The following SETBP1 variants were observed in gnomAD, a reference collection of about 807,000 sequenced individuals.
SETBP1 encodes SET-binding protein.
A neutral mutation model predicts 101.0 loss-of-function variants in SETBP1; 9 were observed. That is an observed-to-expected ratio of 0.09 (90% CI 0.05 to 0.16). SETBP1 has a LOEUF of 0.16. SETBP1 is among the 10% of genes least tolerant of loss of function. The probability of loss-of-function intolerance (pLI) is 1.00; values close to 1 mark genes in which losing one functional copy is unlikely to be tolerated. For synonymous variants in SETBP1, 818 were observed against 788.5 expected, an observed-to-expected ratio of 1.04 and a Z score of -0.63; for missense variants, 1,858 against 2,033.8, an observed-to-expected ratio of 0.91 and a Z score of 1.66.
At chr18:45,004,190 C>T (rs183944491) in intron 4 of SETBP1, among the ~76,000 whole-genome samples, 19 of 152,284 alleles carry the variant, frequency 1.2e-4, no homozygotes, top group African/African-American at 3.1e-4. Context: ...AACATAGCCC[C>T]GGCAAAATAT....
In SETBP1 at chr18:44,975,866, G is replaced by T. The variant is rs141230445; in HGVS notation, c.4000+22526G>T. ...AATTTAATCCCCTAAAATTAAAAAT[G>T]CCAAAATCAAAGCTCAGAGGGTTAA... On this transcript the variant is annotated intron_variant, in intron 4 of 5. Transcript: ENST00000649279. 6.7e-3 allele frequency among the ~76,000 whole-genome samples: 1,018 copies of T among 152,250 alleles called. 16 individuals are homozygous for T. The highest frequency in any genetic ancestry group is 0.024 in the African/African-American group (976 of 41,520).
At chr18:44,819,405 C>G (rs948879958) in intron 2 of SETBP1, among the ~76,000 whole-genome samples, 1 of 152,222 alleles carries the variant, frequency 6.6e-6, no homozygotes, top group African/African-American at 2.4e-5. Context: ...TTTTCTTTCT[C>G]TGGTAAGGCT....
intron 2 of SETBP1, among the ~76,000 whole-genome samples, chr18:44,846,384 AC>A (rs547826732): frequency 6.6e-4 from 100 of 151,834 alleles, no homozygotes; most frequent in Admixed American, 1.3e-3. Flanking sequence ...GAAACTTTCA[AC>A]CCCCCAAAAG....
At chr18:44,681,179 G>A (rs2068753848) in intron 1 of SETBP1, among the ~76,000 whole-genome samples, 158 bp downstream of exon 1, 2 of 152,222 alleles carry the variant, frequency 1.3e-5, no homozygotes, top group Admixed American at 6.5e-5. Flanking sequence ...AGCACGCATT[G>A]TGTGCGTTTC....
intron 2 of SETBP1, among the ~76,000 whole-genome samples, chr18:44,759,936 G>A (rs1172553976): frequency 6.6e-6 from 1 of 152,178 alleles, no homozygotes; most frequent in African/African-American, 2.4e-5. Flanking sequence ...TGATTTTTAG[G>A]TATTTCTTTC....
At chr18:45,014,101 A>C (rs2072894500) in intron 4 of SETBP1, among the ~76,000 whole-genome samples, 1 of 152,242 alleles carries the variant, frequency 6.6e-6, no homozygotes, top group Non-Finnish European at 1.5e-5. Flanking sequence ...CAAATTCTCC[A>C]AGGTGGGAGG....
intron 3 of SETBP1, among the ~76,000 whole-genome samples, chr18:44,943,846 T>A (rs927741798): frequency 6.6e-6 from 1 of 151,648 alleles, no homozygotes; most frequent in South Asian, 2.1e-4. Context: ...TTTTCTTTTT[T>A]TTTTTTGAGA....
intron 2 of SETBP1, among the ~76,000 whole-genome samples, chr18:44,843,966 C>T (rs961109283): frequency 8.5e-5 from 13 of 152,200 alleles, no homozygotes; most frequent in African/African-American, 2.2e-4. Flanking sequence ...GTTGCCCTCT[C>T]AGGTTCACAA....
chr18:44,975,195 A>G (rs911912671), intron 4 of SETBP1, among the ~76,000 whole-genome samples: 1 of 152,214 alleles, frequency 6.6e-6, no homozygotes, highest in Non-Finnish European at 1.5e-5. Flanking sequence ...AAAGAAATTT[A>G]TGATTAAGAA....
intron 5 of SETBP1, among the ~76,000 whole-genome samples, chr18:45,058,214 T>A (rs1185075522): frequency 6.6e-6 from 1 of 152,092 alleles, no homozygotes; most frequent in Non-Finnish European, 1.5e-5. Context: ...GGAGAGCAAA[T>A]ATGGAATCAA....
chr18:44,805,564 A>T (rs1441040995), intron 2 of SETBP1, among the ~76,000 whole-genome samples: 1 of 152,118 alleles, frequency 6.6e-6, no homozygotes, highest in African/African-American at 2.4e-5. Flanking sequence ...TACCCTGGAC[A>T]TCTCCTTTTT....
intron 4 of SETBP1, among the ~76,000 whole-genome samples, chr18:44,968,250 TACAC>T (rs374732078): frequency 6.6e-6 from 1 of 151,574 alleles, no homozygotes; most frequent in Non-Finnish European, 1.5e-5. Context: ...TCATTCATCA[TACAC>T]ACACACACAC....
At chr18:44,847,758 A>G (rs2072753208) in intron 2 of SETBP1, among the ~76,000 whole-genome samples, 1 of 152,212 alleles carries the variant, frequency 6.6e-6, no homozygotes, top group South Asian at 2.1e-4. Context: ...ATAGAATAAA[A>G]TGCCAGTTAG....
intron 3 of SETBP1, among the ~76,000 whole-genome samples, chr18:44,903,325 G>A (rs2070097311): frequency 6.6e-6 from 1 of 152,146 alleles, no homozygotes; most frequent in Admixed American, 6.6e-5. Flanking sequence ...AGGAGTTCAG[G>A]GCATTTGTCT....
intron 2 of SETBP1, among the ~76,000 whole-genome samples, chr18:44,847,750 A>G (rs748956498): frequency 1.2e-4 from 18 of 152,228 alleles, no homozygotes; most frequent in Non-Finnish European, 2.5e-4. Context: ...TAACAAATAT[A>G]GAATAAAATG....
chr18:45,043,000 G>A (rs1165608367), intron 5 of SETBP1, among the ~76,000 whole-genome samples: 2 of 152,126 alleles, frequency 1.3e-5, no homozygotes, highest in African/African-American at 2.4e-5. Context: ...CAGTAAAAGC[G>A]CCACTAAAGT....
At chr18:45,006,389 G>A (rs565736830) in intron 4 of SETBP1, among the ~76,000 whole-genome samples, 1 of 152,274 alleles carries the variant, frequency 6.6e-6, no homozygotes, top group African/African-American at 2.4e-5. Context: ...AGTTTGAGAT[G>A]TAGTAACCAA....
chr18:44,684,585 GT>G (rs5824553), intron 1 of SETBP1, among the ~76,000 whole-genome samples: 4,606 of 133,066 alleles, frequency 0.035, 119 homozygotes, highest in African/African-American at 0.096. Flanking sequence ...TTTTTAGAAG[GT>G]TTTTTTTTTT....
intron 5 of SETBP1, among the ~76,000 whole-genome samples, chr18:45,048,853 T>G (rs1351283649): frequency 6.7e-6 from 1 of 150,264 alleles, no homozygotes; most frequent in Non-Finnish European, 1.5e-5. Context: ...GCGCCTGTAG[T>G]CCCAGCTACT....
Sources: allele counts gnomAD v4.1 joint callset (sites outside exome capture counted in the v4.1 genomes callset), GRCh38; gene constraint gnomAD v4.1.1; transcripts MANE v1.5; gene names NCBI Gene and HGNC (gene_info 2026-07-23, HGNC 2026-07-21).